Variants in IMMT observed in about 807,000 individuals in gnomAD.
IMMT encodes inner membrane mitochondrial protein, also known as MICOS complex subunit MIC60.
A neutral mutation model predicts 92.7 loss-of-function variants in IMMT; 40 were observed. That is an observed-to-expected ratio of 0.43 (90% CI 0.34 to 0.56). IMMT has a LOEUF of 0.56. Among genes scored for constraint, IMMT ranks in the 20% least tolerant of loss-of-function variants. The probability of loss-of-function intolerance (pLI) is 0.03; values close to 1 mark genes in which losing one functional copy is unlikely to be tolerated. For synonymous variants in IMMT, 322 were observed against 336.1 expected (o/e 0.96, Z 0.46); for missense variants, 831 against 912.1 (o/e 0.91, Z 1.14).
intron 8 of IMMT, among the ~76,000 whole-genome samples, chr2:86,160,965 G>A (rs1676227574): frequency 6.6e-6 from 1 of 152,144 alleles, no homozygotes; most frequent in Admixed American, 6.5e-5. Flanking sequence ...TCTGAGTGTG[G>A]TGGCTCATGC....
intron 3 of IMMT, among the ~76,000 whole-genome samples, chr2:86,176,535 G>T (rs996871863): frequency 1.3e-5 from 2 of 152,206 alleles, no homozygotes; most frequent in African/African-American, 4.8e-5. Context: ...GATTAAACAA[G>T]ATAGGATAGC....
chr2:86,190,392 T>A (rs1040595505), intron 1 of IMMT, among the ~76,000 whole-genome samples: 2 of 152,224 alleles, frequency 1.3e-5, no homozygotes, highest in African/African-American at 4.8e-5. Context: ...AGAATAATAA[T>A]GTTTCTTCTT....
In IMMT at chr2:86,179,558, T is replaced by C; in HGVS notation, c.184A>G (p.Ile62Val). Residue 62 changes from isoleucine to valine, a missense_variant, in exon 3 of 15, where the codon ATC becomes GTC. Coordinates refer to ENST00000410111, the MANE Select transcript of IMMT (RefSeq NM_006839.3). ...LFVGGGIGGTILYAKWDSHFR... is the reference protein window; with the variant it reads ...LFVGGGIGGTVLYAKWDSHFR... ...TGGGAATCCCATTTGGCATATAGGA[T>C]AGTGCCACCAATACCTCCACCAACA... 6.2e-7 allele frequency: 1 copy of C among 1,612,908 alleles called. No individual in the cohort carries two copies. Among genetic ancestry groups the C allele is most frequent in the East Asian group, 2.2e-5 (1 of 44,832 alleles).
intron 4 of IMMT, chr2:86,173,410 G>A (rs1396769799): frequency 1.6e-5 from 6 of 376,524 alleles, no homozygotes; most frequent in African/African-American, 4.3e-5. Flanking sequence ...GAGAAACTCC[G>A]CCTCTACTAA....
intron 1 of IMMT, among the ~76,000 whole-genome samples, chr2:86,184,982 A>AT (rs1672667687): frequency 6.6e-6 from 1 of 152,092 alleles, no homozygotes; most frequent in African/African-American, 2.4e-5. Context: ...AGGTCAGGAG[A>AT]TTGAGACCAT....
rs1376791797 is a variant in IMMT, at chr2:86,195,393, C to T, written c.-11G>A. ...ACAGGCCCGCAGCATCTCGGTCAAGCGGACGGCGCTGCTGGTGGACTCGAG... is the reference window on the plus strand; with the variant it reads ...ACAGGCCCGCAGCATCTCGGTCAAGTGGACGGCGCTGCTGGTGGACTCGAG... On this transcript the variant is annotated 5_prime_UTR_variant, in exon 1 of 15. Coordinates refer to ENST00000410111, the MANE Select transcript of IMMT (RefSeq NM_006839.3). The T allele has an allele frequency of 1.3e-6, 2 of 1,547,696 alleles. No individual in the cohort carries two copies. Among genetic ancestry groups the T allele is most frequent in the Non-Finnish European group, 1.7e-6 (2 of 1,145,574 alleles).
intron 12 of IMMT, among the ~76,000 whole-genome samples, chr2:86,149,954 G>A (rs1190088224): frequency 2.6e-5 from 4 of 152,088 alleles, no homozygotes; most frequent in Admixed American, 2.0e-4. Context: ...GGCTAAGGTG[G>A]TAGTAATGGA....
chr2:86,192,886 C>G (rs955558196), intron 1 of IMMT: 1 of 153,488 alleles, frequency 6.5e-6, no homozygotes. Context: ...CCAGGAGAAT[C>G]TGAGTGAGGC....
intron 7 of IMMT, 98 bp downstream of exon 7, chr2:86,166,410 C>A: frequency 9.9e-7 from 1 of 1,008,294 alleles, no homozygotes; most frequent in Non-Finnish European, 1.4e-6. Context: ...CGGAAGAAAG[C>A]AGTCTGTTAA....
chr2:86,187,525 A>G (rs1030819592), intron 1 of IMMT, among the ~76,000 whole-genome samples: 1 of 152,184 alleles, frequency 6.6e-6, no homozygotes, highest in Non-Finnish European at 1.5e-5. Context: ...TAATGTTGCT[A>G]TGAATATTCA....
intron 1 of IMMT, among the ~76,000 whole-genome samples, chr2:86,193,680 A>G (rs936328756): frequency 6.6e-6 from 1 of 152,196 alleles, no homozygotes; most frequent in Non-Finnish European, 1.5e-5. Context: ...GAGAGAAGCC[A>G]AAAGTACAAA....
At chr2:86,155,295 C>T (rs79809529) in intron 10 of IMMT, among the ~76,000 whole-genome samples, 4,611 of 152,236 alleles carry the variant, frequency 0.03, 215 homozygotes, top group African/African-American at 0.1. Flanking sequence ...AATAAAATTT[C>T]CTCCTTATTA....
At chr2:86,178,293 G>A (rs531147385) in intron 3 of IMMT, among the ~76,000 whole-genome samples, 1 of 136,020 alleles carries the variant, frequency 7.4e-6, no homozygotes, top group South Asian at 2.4e-4. Flanking sequence ...ATTCCAGCCT[G>A]CGTGACACAG....
intron 1 of IMMT, among the ~76,000 whole-genome samples, chr2:86,185,331 A>G (rs2105524726): frequency 6.6e-6 from 1 of 152,320 alleles, no homozygotes; most frequent in South Asian, 2.1e-4. Flanking sequence ...AAGAGTCAGG[A>G]TTTGGTGGGT....
At chr2:86,190,036 A>T (rs1214361294) in intron 1 of IMMT, among the ~76,000 whole-genome samples, 1 of 152,218 alleles carries the variant, frequency 6.6e-6, no homozygotes, top group East Asian at 1.9e-4. Flanking sequence ...TTCCCTGCAC[A>T]TATGTGAATA....
rs1674812233 is a variant in IMMT at position 86,144,188 on chromosome 2, ACT to A, written c.*78_*79del. On this transcript the variant is annotated 3_prime_UTR_variant, in exon 15 of 15. Transcript: ENST00000410111. ...CTGCTCATTTCTAGACAAGTCCGGG[ACT>A]CTCGCTGCGAACCCTTCATCTATCA... 4.7e-6 allele frequency: 7 copies of A among 1,486,628 alleles called. 2 individuals carry two copies. The South Asian group carries it at 5.0e-5, about 11-fold the overall frequency. The allele number at this position is 1,486,628 out of a possible 1,614,324, so 92.1% of individuals were successfully genotyped here.
At chr2:86,172,836 C>A (rs4832252) in intron 4 of IMMT, among the ~76,000 whole-genome samples, 1 of 152,240 alleles carries the variant, frequency 6.6e-6, no homozygotes, top group East Asian at 1.9e-4. Flanking sequence ...ACTTACCCCC[C>A]TTATCTCTTT....
chr2:86,158,561 A>T (rs777200611), intron 10 of IMMT, 31 bp downstream of exon 10: 2 of 1,259,208 alleles, frequency 1.6e-6, no homozygotes, highest in Non-Finnish European at 2.1e-6. Context: ...TTAAAACATC[A>T]AAAAAAAAAC....
Position 86,144,778 on chromosome 2 carries a change from A to G in IMMT, c.1767T>C (p.Thr589=), listed in dbSNP as rs1674866595. ...CCTCAACTGCACTACCCAGCGGGAT[A>G]GTAGGTGTTTCTGCAGATGAGGTCT... is the stretch of plus-strand genomic sequence containing the variant. ...SMKTSSAETP[T]IPLGSAVEAI... The change falls in exon 15 of 15, where the codon ACT becomes ACC. Residue 589 remains threonine (T), a synonymous_variant. Transcript: ENST00000410111. 1.2e-6 allele frequency: 2 copies of G among 1,613,398 alleles called. No individual in the cohort carries two copies. The highest frequency in any genetic ancestry group is 2.2e-5 in the East Asian group (1 of 44,900).
Sources: gnomAD v4.1 joint callset for allele counts (sites outside exome capture counted in the v4.1 genomes callset) on GRCh38, gnomAD v4.1.1 for gene constraint, MANE v1.5 for transcripts, NCBI Gene and HGNC (gene_info 2026-07-23, HGNC 2026-07-21) for gene names.